MARCHF4: variants seen among roughly 807,000 people sequenced by gnomAD.
MARCHF4 encodes membrane associated ring-CH-type finger 4, also known as E3 ubiquitin-protein ligase MARCHF4.
Under a neutral mutation model 43.9 loss-of-function variants are expected in MARCHF4, and 14 were observed. The observed-to-expected ratio is 0.32, with a 90% CI of 0.21 to 0.50. The LOEUF is 0.50. Ranked by LOEUF, MARCHF4 falls within the 20% of genes least tolerant of loss-of-function variation. MARCHF4 has a pLI of 0.98. For missense variants in MARCHF4, 468 were observed against 536.7 expected, an observed-to-expected ratio of 0.87 and a Z score of 1.27; for synonymous variants, 226 against 213.3, an observed-to-expected ratio of 1.06 and a Z score of -0.52.
At chr2:216,268,900 A>G (rs1234019468) in intron 3 of MARCHF4, among the ~76,000 whole-genome samples, 1 of 152,198 alleles carries the variant, frequency 6.6e-6, no homozygotes, top group South Asian at 2.1e-4. Flanking sequence ...AAATGTTTGT[A>G]CAATCCTGCT....
At position 216,302,123 on chromosome 2, in the gene MARCHF4, C is replaced by A. The variant is rs562527968; in HGVS notation, c.517-18394G>T. On this transcript the variant is annotated intron_variant, in intron 1 of 3. Transcript: ENST00000273067. ...AAAAATTCAAAATTTGCAGTAAACTCTACTTCATTAATACTTTAAAACTCA... is the reference window on the plus strand; with the variant it reads ...AAAAATTCAAAATTTGCAGTAAACTATACTTCATTAATACTTTAAAACTCA... Among the ~76,000 whole-genome samples, 113 of 152,314 alleles carry A rather than the reference C, an allele frequency of 7.4e-4. No individual in the cohort carries two copies. The South Asian group carries it at 0.022, about 30-fold the overall frequency.
intron 1 of MARCHF4, among the ~76,000 whole-genome samples, chr2:216,311,872 T>A (rs182533194): frequency 6.6e-6 from 1 of 152,330 alleles, no homozygotes; most frequent in East Asian, 1.9e-4. Flanking sequence ...AATTTTTATA[T>A]TGTAATCAGT....
chr2:216,308,950 T>C (rs1691634663), intron 1 of MARCHF4, among the ~76,000 whole-genome samples: 1 of 152,170 alleles, frequency 6.6e-6, no homozygotes, highest in Non-Finnish European at 1.5e-5. Context: ...TCATGTTTGC[T>C]CCTTGTGAAC....
intron 1 of MARCHF4, among the ~76,000 whole-genome samples, chr2:216,354,988 T>TTCTTTCTTTCTTTCTTTCTTTTC (rs1692477820): frequency 1.4e-5 from 2 of 144,086 alleles, no homozygotes; most frequent in Non-Finnish European, 1.5e-5. Context: ...TCTTTCTTTT[T>TTCTTTCTTTCTTTCTTTCTTTTC]TGAGACAGAG....
intron 3 of MARCHF4, among the ~76,000 whole-genome samples, chr2:216,267,893 GT>G (rs200201128): frequency 0.014 from 2,107 of 152,344 alleles, 44 homozygotes; most frequent in African/African-American, 0.048. Context: ...GAAAAGGACA[GT>G]GCATCTGCTT....
intron 1 of MARCHF4, among the ~76,000 whole-genome samples, chr2:216,322,588 GA>G (rs1396525612): frequency 6.6e-6 from 1 of 152,212 alleles, no homozygotes; most frequent in East Asian, 1.9e-4. Context: ...TTGGGAGGCC[GA>G]GGCAGGCGGA....
At chr2:216,357,061 T>C in intron 1 of MARCHF4, among the ~76,000 whole-genome samples, 1 of 152,034 alleles carries the variant, frequency 6.6e-6, no homozygotes. Flanking sequence ...CAAAGATTTC[T>C]CATATGACTT....
intron 1 of MARCHF4, among the ~76,000 whole-genome samples, chr2:216,341,090 GCAGT>G (rs1431075744): frequency 1.3e-5 from 2 of 152,190 alleles, no homozygotes; most frequent in African/African-American, 4.8e-5. Context: ...CCCCAGGAAA[GCAGT>G]CACTGGAACT....
chr2:216,347,222 C>T (rs1354890587), intron 1 of MARCHF4, among the ~76,000 whole-genome samples: 5 of 152,146 alleles, frequency 3.3e-5, no homozygotes, highest in Non-Finnish European at 7.3e-5. Context: ...ATGAATGACC[C>T]TGTAAAACAA....
intron 3 of MARCHF4, among the ~76,000 whole-genome samples, chr2:216,262,545 T>C (rs564807024): frequency 2.0e-5 from 3 of 152,232 alleles, no homozygotes; most frequent in Admixed American, 1.3e-4. Context: ...TAGAGGATTA[T>C]TGGAGTCAGT....
chr2:216,319,292 A>G (rs1691841624), intron 1 of MARCHF4, among the ~76,000 whole-genome samples: 1 of 152,180 alleles, frequency 6.6e-6, no homozygotes, highest in Non-Finnish European at 1.5e-5. Flanking sequence ...TGGGCAACAG[A>G]GTGAGATTCC....
chr2:216,302,665 A>G (rs1691509425), intron 1 of MARCHF4, among the ~76,000 whole-genome samples: 1 of 151,854 alleles, frequency 6.6e-6, no homozygotes, highest in South Asian at 2.1e-4. Flanking sequence ...TGGGAGGCTG[A>G]GGTGGGCGGA....
At chr2:216,284,218 T>C (rs1322946963) in intron 1 of MARCHF4, among the ~76,000 whole-genome samples, 1 of 151,942 alleles carries the variant, frequency 6.6e-6, no homozygotes, top group African/African-American at 2.4e-5. Context: ...AGTGTAGATG[T>C]GGGGATCTAG....
chr2:216,342,647 G>A (rs563371573), intron 1 of MARCHF4, among the ~76,000 whole-genome samples: 1 of 152,246 alleles, frequency 6.6e-6, no homozygotes, highest in Admixed American at 6.5e-5. Context: ...CTTGTGGGAG[G>A]AATGAGTGGA....
At chr2:216,271,957 A>ATT (rs57629851) in intron 3 of MARCHF4, among the ~76,000 whole-genome samples, 2,514 of 100,532 alleles carry the variant, frequency 0.025, 142 homozygotes, top group African/African-American at 0.097. Context: ...CACCTGGCTA[A>ATT]TTTTTTTTTT....
intron 1 of MARCHF4, 107 bp downstream of exon 1, chr2:216,369,638 C>T: frequency 1.1e-6 from 1 of 894,242 alleles, no homozygotes; most frequent in East Asian, 2.5e-5. Flanking sequence ...AACATAGAGT[C>T]CTCATACTAA....
chr2:216,327,763 A>G (rs887668779), intron 1 of MARCHF4, among the ~76,000 whole-genome samples: 21 of 152,164 alleles, frequency 1.4e-4, no homozygotes, highest in Non-Finnish European at 2.5e-4. Context: ...CTTGTTGAGA[A>G]TGGCAGGATT....
intron 1 of MARCHF4, among the ~76,000 whole-genome samples, chr2:216,313,911 A>G (rs2105958071): frequency 6.6e-6 from 1 of 152,328 alleles, no homozygotes; most frequent in Middle Eastern, 3.4e-3. Context: ...ACTTAGGGCT[A>G]AGGCAATAAT....
chr2:216,293,137 T>C lies in MARCHF4; in HGVS notation c.517-9408A>G, dbSNP rs115737518. ...TGAATTCTCCTCATGTGGTGTCTGA[T>C]AGCGTGTGAGCAGCTCTTTGTTTTC... On this transcript the variant is annotated intron_variant, in intron 1 of 3. Coordinates refer to ENST00000273067, the MANE Select transcript of MARCHF4 (RefSeq NM_020814.3). Among the ~76,000 whole-genome samples, 48 of 152,188 alleles carry C rather than the reference T, an allele frequency of 3.2e-4. 1 individual carries two copies. Among genetic ancestry groups the C allele is most frequent in the Non-Finnish European group, 5.1e-4 (35 of 68,028 alleles).
Sources: gnomAD v4.1 joint callset for allele counts (sites outside exome capture counted in the v4.1 genomes callset) on GRCh38, gnomAD v4.1.1 for gene constraint, MANE v1.5 for transcripts, NCBI Gene and HGNC (gene_info 2026-07-23, HGNC 2026-07-21) for gene names.